The following UGCG variants were observed in gnomAD, a reference collection of about 807,000 sequenced individuals.
UGCG encodes ceramide glucosyltransferase.
In UGCG, 10 loss-of-function variants were observed where a neutral mutation model predicts 49.5. The observed-to-expected ratio is 0.20, with a 90% CI of 0.12 to 0.34. The LOEUF (loss-of-function observed/expected upper bound fraction) is 0.34, where lower values mean the gene tolerates loss of function less well. UGCG is among the 10% of genes least tolerant of loss of function. UGCG has a pLI of 1.00. For missense variants in UGCG, 312 were observed against 483.7 expected (o/e 0.65, Z 3.33); for synonymous variants, 182 against 158.2 (o/e 1.15, Z -1.13).
At chr9:111,907,066 T>A (rs1269659962) in intron 1 of UGCG, among the ~76,000 whole-genome samples, 2 of 152,184 alleles carry the variant, frequency 1.3e-5, no homozygotes, top group Non-Finnish European at 2.9e-5. Context: ...TTTTGGGGGA[T>A]GAGGCCTGAA....
At chr9:111,931,460 T>C in intron 7 of UGCG, 103 bp downstream of exon 7, 1 of 1,041,854 alleles carries the variant, frequency 9.6e-7, no homozygotes, top group East Asian at 2.6e-5. Flanking sequence ...ACCTAAAGGT[T>C]GAAGATTTTT....
At chr9:111,898,073 A>G (rs1428621941) in intron 1 of UGCG, among the ~76,000 whole-genome samples, 4 of 150,342 alleles carry the variant, frequency 2.7e-5, no homozygotes, top group African/African-American at 7.4e-5. Context: ...TGAGTCTTAC[A>G]TTCTAGAAGG....
intron 7 of UGCG, among the ~76,000 whole-genome samples, chr9:111,931,654 C>T (rs926413951): frequency 5.9e-5 from 9 of 152,060 alleles, no homozygotes; most frequent in African/African-American, 2.2e-4. Context: ...CTGTATTCAT[C>T]AGAGCGTAGG....
chr9:111,918,023 T>A (rs893408808), intron 2 of UGCG, among the ~76,000 whole-genome samples: 4 of 152,286 alleles, frequency 2.6e-5, no homozygotes, highest in African/African-American at 9.6e-5. Context: ...TTTTTTTTCT[T>A]TTTTGCAATT....
chr9:111,903,684 C>T (rs1325587243), intron 1 of UGCG, among the ~76,000 whole-genome samples: 2 of 152,188 alleles, frequency 1.3e-5, no homozygotes, highest in African/African-American at 4.8e-5. Context: ...CAGCCTTGAC[C>T]TCCCAGGCTC....
chr9:111,910,282 G>A (rs180980849), intron 1 of UGCG, among the ~76,000 whole-genome samples: 32 of 152,276 alleles, frequency 2.1e-4, no homozygotes, highest in Middle Eastern at 6.8e-3. Flanking sequence ...GATTATTAGT[G>A]GGCCAGTTCT....
chr9:111,913,814 G>T (rs1399778355), intron 1 of UGCG, among the ~76,000 whole-genome samples: 2 of 151,988 alleles, frequency 1.3e-5, no homozygotes, highest in Admixed American at 1.3e-4. Context: ...GAGAACGTTG[G>T]CCATTTGGTC....
chr9:111,908,916 C>T (rs1837941877), intron 1 of UGCG, among the ~76,000 whole-genome samples: 1 of 152,180 alleles, frequency 6.6e-6, no homozygotes, highest in African/African-American at 2.4e-5. Context: ...AAACACTAGG[C>T]AATTGATCAC....
intron 1 of UGCG, among the ~76,000 whole-genome samples, chr9:111,900,196 C>T (rs1026002925): frequency 2.6e-5 from 4 of 151,214 alleles, no homozygotes; most frequent in Admixed American, 2.0e-4. Context: ...TGTATAAAAG[C>T]CTAGACCTGA....
At chr9:111,901,231 TTA>T (rs1342790183) in intron 1 of UGCG, among the ~76,000 whole-genome samples, 1 of 152,236 alleles carries the variant, frequency 6.6e-6, no homozygotes, top group Non-Finnish European at 1.5e-5. Flanking sequence ...CAAAAACTGG[TTA>T]TGTTTTTCAT....
intron 7 of UGCG, 136 bp from the exon 8 acceptor site, chr9:111,932,034 A>AC: frequency 1.0e-6 from 1 of 987,238 alleles, no homozygotes; most frequent in Non-Finnish European, 1.5e-6. Flanking sequence ...AAAAAAAAAA[A>AC]AACAAAACAA....
At chr9:111,903,683 C>T (rs1837821501) in intron 1 of UGCG, among the ~76,000 whole-genome samples, 1 of 152,186 alleles carries the variant, frequency 6.6e-6, no homozygotes. Flanking sequence ...ACAGCCTTGA[C>T]CTCCCAGGCT....
chr9:111,927,650 A>G (rs747464245), intron 5 of UGCG, among the ~76,000 whole-genome samples: 18 of 152,000 alleles, frequency 1.2e-4, no homozygotes, highest in Admixed American at 2.0e-4. Context: ...ACAGGTTTTC[A>G]CCGTGTTAGC....
chr9:111,908,738 C>T (rs959860992), intron 1 of UGCG, among the ~76,000 whole-genome samples: 3 of 152,116 alleles, frequency 2.0e-5, no homozygotes, highest in Non-Finnish European at 4.4e-5. Context: ...GCTTGTGCAA[C>T]GTGTAGGAAT....
rs776539478 is a variant in UGCG at position 111,932,066 on chromosome 9, C to T, written c.825-104C>T. The T allele has an allele frequency of 3.6e-5, 43 of 1,195,634 alleles. No homozygotes were observed. The South Asian group carries it at 6.0e-4, about 17-fold the overall frequency. The allele number at this position is 1,195,634 out of a possible 1,614,324, so 74.1% of individuals were successfully genotyped here. ...ACAAAAAAAGTTTAAAGAGAATGGT[C>T]TTTCTATCACAGGGTAAAAAAATTG... On this transcript the variant is annotated intron_variant, in intron 7 of 8. Transcript: ENST00000374279.
At chr9:111,906,008 A>C (rs1480807546) in intron 1 of UGCG, among the ~76,000 whole-genome samples, 1 of 152,170 alleles carries the variant, frequency 6.6e-6, no homozygotes, top group East Asian at 1.9e-4. Context: ...TTTATATTCT[A>C]CTGTAGTGTT....
chr9:111,908,906 A>T (rs1301493510), intron 1 of UGCG, among the ~76,000 whole-genome samples: 1 of 152,160 alleles, frequency 6.6e-6, no homozygotes, highest in Non-Finnish European at 1.5e-5. Flanking sequence ...GCCACTTTTG[A>T]AACACTAGGC....
At chr9:111,928,725 A>C (rs1054313150) in intron 5 of UGCG, among the ~76,000 whole-genome samples, 5 of 152,230 alleles carry the variant, frequency 3.3e-5, no homozygotes, top group Non-Finnish European at 5.9e-5. Flanking sequence ...ACTCCTAAGA[A>C]AGATGACTAC....
intron 5 of UGCG, 34 bp downstream of exon 5, chr9:111,926,530 A>G: frequency 6.7e-7 from 1 of 1,487,350 alleles, no homozygotes; most frequent in Non-Finnish European, 9.2e-7. Context: ...TGTTCATAGT[A>G]TCAGACCCCT....
Sources: allele counts gnomAD v4.1 joint callset (sites outside exome capture counted in the v4.1 genomes callset), GRCh38; gene constraint gnomAD v4.1.1; transcripts MANE v1.5; gene names NCBI Gene and HGNC (gene_info 2026-07-23, HGNC 2026-07-21).